CACNA1H: variants seen among roughly 807,000 people sequenced by gnomAD.
The protein encoded by CACNA1H is calcium voltage-gated channel subunit alpha1 H, also known as voltage-dependent T-type calcium channel subunit alpha-1H.
In CACNA1H, 149 loss-of-function variants were observed where a neutral mutation model predicts 192.5. That is an observed-to-expected ratio of 0.77 (90% CI 0.68 to 0.89). CACNA1H has a LOEUF of 0.89. Among genes scored for constraint, CACNA1H ranks in the 40% least tolerant of loss-of-function variants. CACNA1H has a pLI of 0.00. For synonymous variants in CACNA1H, 2,202 were observed against 1,475.2 expected (o/e 1.49, Z -11.29); for missense variants, 4,257 against 3,423.5 (o/e 1.24, Z -6.08).
At chr16:1,210,261 C>G (rs947648351) in intron 18 of CACNA1H, 109 bp from the exon 19 acceptor site, 6 of 1,251,030 alleles carry the variant, frequency 4.8e-6, no homozygotes, top group Non-Finnish European at 6.8e-6. Flanking sequence ...TCTCACACCG[C>G]AGGGACCGGG....
chr16:1,206,331 C>T, intron 12 of CACNA1H, 42 bp downstream of exon 12: 1 of 1,530,898 alleles, frequency 6.5e-7, no homozygotes, highest in Non-Finnish European at 8.8e-7. Flanking sequence ...TGTCTCACCC[C>T]AGGGCAGCTG....
rs1052743921 is a variant in CACNA1H at position 1,153,780 on chromosome 16, C to T, written c.43C>T (p.Leu15=). ...GGCCGCCGACGAGGTCCGGGTGCCC[C>T]TGGGCGCGCCGCCCCCTGGCCCTGC... is the stretch of plus-strand genomic sequence containing the variant. The part of the protein sequence containing the change: ...ARAADEVRVP[L]GAPPPGPAAL... The change falls in exon 2 of 35, where the codon CTG becomes TTG. Residue 15 remains leucine, a synonymous_variant. Transcript: ENST00000348261. 42 of 1,227,286 alleles carry T rather than the reference C, an allele frequency of 3.4e-5. No individual in the cohort carries two copies. In the African/African-American group the frequency reaches 5.8e-4, roughly 17 times the overall value. The allele number at this position is 1,227,286 out of a possible 1,614,324, so 76.0% of individuals were successfully genotyped here.
intron 33 of CACNA1H, 133 bp downstream of exon 33, chr16:1,218,784 G>A (rs1356042785): frequency 2.6e-6 from 3 of 1,145,676 alleles, no homozygotes; most frequent in South Asian, 1.5e-5. Flanking sequence ...GAGGATGGGG[G>A]CAGGCAGGAG....
rs1487425689 is a variant in CACNA1H at position 1,153,815 on chromosome 16, G to A, written c.78G>A (p.Val26=). 1.6e-6 allele frequency: 2 copies of A among 1,270,762 alleles called. No homozygotes were observed. Among genetic ancestry groups the A allele is most frequent in the Non-Finnish European group, 2.0e-6 (2 of 1,009,230 alleles). The allele number at this position is 1,270,762 out of a possible 1,614,324, so 78.7% of individuals were successfully genotyped here. A position where few individuals can be genotyped will look rare whatever the true frequency, so the allele number is the denominator to read the frequency against. Residue 26 remains valine, a synonymous_variant, in exon 2 of 35, where the codon GTG becomes GTA. Coordinates refer to ENST00000348261, the MANE Select transcript of CACNA1H (RefSeq NM_021098.3). ...GAPPPGPAAL[V]GASPESPGAP... Reference sequence around the variant, plus strand: ...CGCCCCCTGGCCCTGCGGCGTTGGTGGGGGCGTCCCCGGAGAGCCCCGGGG... The same window carrying A: ...CGCCCCCTGGCCCTGCGGCGTTGGTAGGGGCGTCCCCGGAGAGCCCCGGGG...
At chr16:1,158,520 GC>G (rs1962737216) in intron 2 of CACNA1H, among the ~76,000 whole-genome samples, 1 of 152,204 alleles carries the variant, frequency 6.6e-6, no homozygotes, top group Admixed American at 6.5e-5. Context: ...AGGGCCGCAC[GC>G]CCCGTGGGAC....
intron 5 of CACNA1H, among the ~76,000 whole-genome samples, chr16:1,198,004 G>A (rs752556035): frequency 2.2e-4 from 33 of 152,128 alleles, no homozygotes; most frequent in Non-Finnish European, 4.4e-4. Context: ...CCTCCCCACC[G>A]CCTCCAGCAG....
In CACNA1H at chr16:1,202,101, G is replaced by A. The variant is rs1279405355; in HGVS notation, c.1651G>A (p.Val551Ile). ...PEPGACDTRLVRAGAPPSPPS... is the reference protein window; with the variant it reads ...PEPGACDTRLIRAGAPPSPPS... The stretch of plus-strand genomic sequence containing the variant: ...GCCAGGCGCCTGCGACACCAGGCTG[G>A]TCCGAGCTGGCGCGCCCCCCTCGCC... The change falls in exon 9 of 35, where the codon GTC becomes ATC. Residue 551 changes from valine (V) to isoleucine (I), a missense_variant. Transcript: ENST00000348261. 6.5e-7 allele frequency: 1 copy of A among 1,545,028 alleles called. No homozygotes were observed. Among genetic ancestry groups the A allele is most frequent in the Admixed American group, 2.0e-5 (1 of 50,904 alleles).
intron 2 of CACNA1H, among the ~76,000 whole-genome samples, chr16:1,193,986 G>A (rs1173358855): frequency 6.6e-6 from 1 of 152,160 alleles, no homozygotes; most frequent in Non-Finnish European, 1.5e-5. Flanking sequence ...GACCTCCGCT[G>A]TAGTGAGCGT....
In CACNA1H at chr16:1,200,495, G is replaced by A. The variant is rs745597129; in HGVS notation, c.1043G>A (p.Arg348His). The A allele has an allele frequency of 5.0e-6, 8 of 1,612,188 alleles. No individual in the cohort carries two copies. Among genetic ancestry groups the A allele is most frequent in the Admixed American group, 1.7e-5 (1 of 60,004 alleles). ...INWNQYYNVC[R>H]SGDSNPHNGA... ...TGGAACCAGTACTACAACGTGTGCCGCTCGGGTGACTCCAACCCCCACAAC... is the reference window on the plus strand; with the variant it reads ...TGGAACCAGTACTACAACGTGTGCCACTCGGGTGACTCCAACCCCCACAAC... Residue 348 changes from arginine to histidine, a missense_variant, in exon 7 of 35, where the codon CGC (arginine) becomes CAC (histidine). Coordinates refer to ENST00000348261, the MANE Select transcript of CACNA1H (RefSeq NM_021098.3).
chr16:1,178,213 C>T lies in CACNA1H; in HGVS notation c.300-16759C>T, dbSNP rs1484590275. Among the ~76,000 whole-genome samples, 3 of 139,308 alleles carry T rather than the reference C, an allele frequency of 2.2e-5. No individual in the cohort carries two copies. In the East Asian group the frequency reaches 6.6e-4, roughly 31 times the overall value. The allele number at this position is 139,308 out of a possible 152,430, so 91.4% of individuals were successfully genotyped here. ...TGGGGCACCTCATGGTCCCTCCCGG[C>T]TCTGCCTGGGATCCCCCAACGGGCT... On this transcript the variant is annotated intron_variant, in intron 2 of 34. Coordinates refer to ENST00000348261, the MANE Select transcript of CACNA1H (RefSeq NM_021098.3).
At chr16:1,163,061 G>C (rs1027506106) in intron 2 of CACNA1H, among the ~76,000 whole-genome samples, 1 of 152,246 alleles carries the variant, frequency 6.6e-6, no homozygotes, top group Non-Finnish European at 1.5e-5. Context: ...TGTTTGCTGT[G>C]TGTCCCTCAC....
chr16:1,167,080 A>G lies in CACNA1H; in HGVS notation c.299+13044A>G, dbSNP rs1482636846. 6.6e-6 allele frequency among the ~76,000 whole-genome samples: 1 copy of G among 152,164 alleles called. No individual in the cohort carries two copies. Among genetic ancestry groups the G allele is most frequent in the Non-Finnish European group, 1.5e-5 (1 of 68,032 alleles). ...CCTGAGTGGTGGTTCAGCAGCAGTG[A>G]GTGCTGACAACCACACCCAGCCGGA... On this transcript the variant is annotated intron_variant, in intron 2 of 34. Transcript: ENST00000348261. This position sits in a 1 kb window ranked among gnomAD's most constrained non-coding sequence, Gnocchi z 4.2.
intron 10 of CACNA1H, 29 bp downstream of exon 10, chr16:1,204,487 C>T (rs542541317): frequency 1.2e-5 from 18 of 1,503,360 alleles, no homozygotes; most frequent in Admixed American, 6.7e-5. Context: ...ACGGGGTGGG[C>T]TCCCTGTCAG....
At chr16:1,165,962 T>C (rs1298193912) in intron 2 of CACNA1H, among the ~76,000 whole-genome samples, 1 of 151,472 alleles carries the variant, frequency 6.6e-6, no homozygotes, top group Non-Finnish European at 1.5e-5. Context: ...GGCCCGTGCA[T>C]CTTTTAATTG....
At chr16:1,161,480 G>A (rs1048350805) in intron 2 of CACNA1H, among the ~76,000 whole-genome samples, 1 of 152,204 alleles carries the variant, frequency 6.6e-6, no homozygotes, top group Admixed American at 6.5e-5. Flanking sequence ...TTTTGGGCAA[G>A]GTGGTCTTTA....
intron 2 of CACNA1H, among the ~76,000 whole-genome samples, chr16:1,171,444 C>G (rs1280975527): frequency 1.3e-5 from 2 of 152,232 alleles, no homozygotes; most frequent in African/African-American, 4.8e-5. Context: ...GCCCTGGGCT[C>G]TGACCACAGA....
intron 16 of CACNA1H, 40 bp from the exon 17 acceptor site, chr16:1,208,992 T>C: frequency 1.4e-6 from 2 of 1,463,020 alleles, no homozygotes; most frequent in Non-Finnish European, 1.8e-6. Flanking sequence ...TCGGTGCTAA[T>C]AGTGATGCCA....
intron 9 of CACNA1H, 107 bp downstream of exon 9, chr16:1,202,559 C>T (rs926754376): frequency 8.9e-6 from 9 of 1,015,170 alleles, no homozygotes; most frequent in African/African-American, 3.3e-5. Flanking sequence ...CTGATGAGCC[C>T]AGCTTTGACT....
intron 2 of CACNA1H, among the ~76,000 whole-genome samples, chr16:1,170,966 G>T (rs1964308816): frequency 6.6e-6 from 1 of 152,072 alleles, no homozygotes; most frequent in Non-Finnish European, 1.5e-5. Context: ...CTCCCCAGGG[G>T]GACAGGTACA....
Sources: gnomAD v4.1 joint callset for allele counts (sites outside exome capture counted in the v4.1 genomes callset) on GRCh38, gnomAD v4.1.1 for gene constraint, Gnocchi (gnomAD v3.1) non-coding constraint, MANE v1.5 for transcripts, NCBI Gene and HGNC (gene_info 2026-07-23, HGNC 2026-07-21) for gene names.